Variants in ATF2 observed in about 807,000 individuals in gnomAD.
The protein encoded by ATF2 is cyclic AMP-dependent transcription factor ATF-2.
Under a neutral mutation model 60.6 loss-of-function variants are expected in ATF2, and 24 were observed. That is an observed-to-expected ratio of 0.40 (90% CI 0.29 to 0.56). The LOEUF is 0.56. ATF2 is among the 20% of genes least tolerant of loss of function. The probability of loss-of-function intolerance (pLI) is 0.54; values close to 1 mark genes in which losing one functional copy is unlikely to be tolerated. For synonymous variants in ATF2, 206 were observed against 215.4 expected (o/e 0.96, Z 0.38); for missense variants, 433 against 607.7 (o/e 0.71, Z 3.02).
chr2:175,117,858 C>G, intron 7 of ATF2, 132 bp downstream of exon 7: 1 of 987,804 alleles, frequency 1.0e-6, no homozygotes, highest in African/African-American at 1.7e-5. Context: ...TGAGTATTGA[C>G]AGGCTTTCAC....
At chr2:175,166,083 G>C (rs1700331773) in intron 1 of ATF2, among the ~76,000 whole-genome samples, 1 of 152,066 alleles carries the variant, frequency 6.6e-6, no homozygotes. Context: ...TAAACATTCG[G>C]ATAAGATATT....
intron 1 of ATF2, among the ~76,000 whole-genome samples, chr2:175,158,794 A>G (rs1699841142): frequency 6.6e-6 from 1 of 152,104 alleles, no homozygotes; most frequent in South Asian, 2.1e-4. Context: ...GATCCTCTAC[A>G]GTAAAAAAAA....
chr2:175,074,483 T>C lies in ATF2; in HGVS notation c.*126A>G. On this transcript the variant is annotated 3_prime_UTR_variant, in exon 14 of 14. Transcript: ENST00000264110. ...CTGCTACACCAACTTTAGAGCCAAA[T>C]TTAATTTCAAGTAAAAAAAAAAAAT... 1 of 1,252,240 alleles carries C rather than the reference T, an allele frequency of 8.0e-7. No homozygotes were observed. The highest frequency in any genetic ancestry group is 1.1e-6 in the Non-Finnish European group (1 of 926,500). The allele number at this position is 1,252,240 out of a possible 1,614,324, so 77.6% of individuals were successfully genotyped here. A position where few individuals can be genotyped will look rare whatever the true frequency, so the allele number is the denominator to read the frequency against.
chr2:175,100,720 C>A (rs984743353), intron 10 of ATF2, among the ~76,000 whole-genome samples: 3 of 152,134 alleles, frequency 2.0e-5, no homozygotes, highest in Admixed American at 1.3e-4. Context: ...GTGTTTTTAC[C>A]TTTCTTAGCA....
intron 2 of ATF2, among the ~76,000 whole-genome samples, chr2:175,146,161 T>C (rs1298535928): frequency 6.6e-6 from 1 of 152,088 alleles, no homozygotes; most frequent in East Asian, 1.9e-4. Flanking sequence ...TAATGAAGAG[T>C]ATTATATAAC....
At chr2:175,075,049 T>C in intron 13 of ATF2, 1 of 1,421,012 alleles carries the variant, frequency 7.0e-7, no homozygotes, top group East Asian at 2.7e-5. Flanking sequence ...AACATCTGGG[T>C]GCCCACTGCC....
chr2:175,130,449 C>T lies in ATF2; in HGVS notation c.33-242G>A, dbSNP rs140312001. ...ACTGCTCTGTCAGGCAAACTTTTTC[C>T]TGCTCAACAGTGTAAAAGTACTTAT... On this transcript the variant is annotated intron_variant, in intron 3 of 13. Coordinates refer to ENST00000264110, the MANE Select transcript of ATF2 (RefSeq NM_001880.4). Among the ~76,000 whole-genome samples the T allele has an allele frequency of 1.1e-4, 16 of 152,110 alleles. 3 individuals carry two copies. Among genetic ancestry groups the T allele is most frequent in the African/African-American group, 3.9e-4 (16 of 41,524 alleles).
In ATF2 at chr2:175,142,718, A is replaced by AGTGTGTGT. The variant is rs777398795; in HGVS notation, c.-43-6233_-43-6232insACACACAC. Among the ~76,000 whole-genome samples, 33 of 113,444 alleles carry AGTGTGTGT rather than the reference A, an allele frequency of 2.9e-4. No individual in the cohort carries two copies. The East Asian group carries it at 3.9e-3, about 13-fold the overall frequency. 74.4% of individuals were successfully genotyped at this position (113,444 alleles called of 152,430 possible). ...GAGAGAGAGAGAGAGAGAGAGAGAG[A>AGTGTGTGT]GAGTGTGTGTGTGTGTGTGTGTGTG... is the stretch of plus-strand genomic sequence containing the variant. On this transcript the variant is annotated intron_variant, in intron 2 of 13. Transcript: ENST00000264110.
intron 13 of ATF2, among the ~76,000 whole-genome samples, chr2:175,077,034 G>A (rs1378581869): frequency 2.1e-5 from 3 of 146,308 alleles, no homozygotes; most frequent in African/African-American, 5.1e-5. Context: ...ACCTATGAGT[G>A]AGAACATGCA....
chr2:175,164,847 G>C (rs765107407), intron 1 of ATF2, among the ~76,000 whole-genome samples: 9 of 152,154 alleles, frequency 5.9e-5, no homozygotes, highest in Admixed American at 2.6e-4. Context: ...ACAATACTAA[G>C]TGAATTTTTT....
At chr2:175,112,868 A>C (rs1252607470) in intron 9 of ATF2, among the ~76,000 whole-genome samples, 1 of 152,234 alleles carries the variant, frequency 6.6e-6, no homozygotes, top group Non-Finnish European at 1.5e-5. Flanking sequence ...TACAGGCATG[A>C]GCCACTGCAC....
At chr2:175,078,943 TTTGA>T (rs1693564083) in intron 13 of ATF2, among the ~76,000 whole-genome samples, 1 of 152,182 alleles carries the variant, frequency 6.6e-6, no homozygotes, top group African/African-American at 2.4e-5. Context: ...TTTCAGTTAA[TTTGA>T]TTATCTACAT....
At chr2:175,157,311 A>C (rs1036964356) in intron 1 of ATF2, among the ~76,000 whole-genome samples, 2 of 152,162 alleles carry the variant, frequency 1.3e-5, no homozygotes, top group African/African-American at 4.8e-5. Flanking sequence ...CAGTAATAGG[A>C]CCTTGGCCCC....
intron 13 of ATF2, among the ~76,000 whole-genome samples, chr2:175,079,682 G>A (rs1162917112): frequency 2.0e-5 from 3 of 152,038 alleles, no homozygotes; most frequent in African/African-American, 4.8e-5. Flanking sequence ...ATGACTACAA[G>A]TAAAGATGGT....
chr2:175,110,171 C>A (rs1340542404), intron 10 of ATF2, among the ~76,000 whole-genome samples: 1 of 152,024 alleles, frequency 6.6e-6, no homozygotes, highest in African/African-American at 2.4e-5. Context: ...CCCGTCTCTA[C>A]TAAAAATACA....
At chr2:175,130,603 G>C (rs1697661162) in intron 3 of ATF2, among the ~76,000 whole-genome samples, 1 of 152,072 alleles carries the variant, frequency 6.6e-6, no homozygotes, top group Non-Finnish European at 1.5e-5. Flanking sequence ...CTATATTCTA[G>C]TGGAATATTT....
intron 12 of ATF2, among the ~76,000 whole-genome samples, chr2:175,088,280 T>C (rs1694301900): frequency 6.6e-6 from 1 of 152,160 alleles, no homozygotes; most frequent in African/African-American, 2.4e-5. Context: ...ACGTGGAAGA[T>C]AGATCATAGA....
chr2:175,120,003 A>T (rs1696844071), intron 5 of ATF2, among the ~76,000 whole-genome samples: 1 of 151,700 alleles, frequency 6.6e-6, no homozygotes, highest in Non-Finnish European at 1.5e-5. Context: ...TTTGCATAGT[A>T]ATGTTAACCT....
chr2:175,096,273 T>G (rs1354496548), intron 11 of ATF2, among the ~76,000 whole-genome samples: 1 of 152,174 alleles, frequency 6.6e-6, no homozygotes, highest in Non-Finnish European at 1.5e-5. Context: ...ATATCAATCA[T>G]CTCATAGGCA....
Sources: allele counts gnomAD v4.1 joint callset (sites outside exome capture counted in the v4.1 genomes callset), GRCh38; gene constraint gnomAD v4.1.1; transcripts MANE v1.5; gene names NCBI Gene and HGNC (gene_info 2026-07-23, HGNC 2026-07-21).